The following DAB2IP variants were observed in gnomAD, a reference collection of about 807,000 sequenced individuals.
The protein encoded by DAB2IP is disabled homolog 2-interacting protein.
A neutral mutation model predicts 107.2 loss-of-function variants in DAB2IP; 28 were observed. That is an observed-to-expected ratio of 0.26 (90% CI 0.19 to 0.36). The LOEUF is 0.36. DAB2IP is among the 10% of genes least tolerant of loss of function. The probability of loss-of-function intolerance (pLI) is 1.00; values close to 1 mark genes in which losing one functional copy is unlikely to be tolerated. For missense variants in DAB2IP, 1,400 were observed against 1,644.7 expected (o/e 0.85, Z 2.57); for synonymous variants, 755 against 706.4 (o/e 1.07, Z -1.09).
At chr9:121,632,231 A>T (rs939842286) in intron 1 of DAB2IP, among the ~76,000 whole-genome samples, 1 of 152,224 alleles carries the variant, frequency 6.6e-6, no homozygotes, top group African/African-American at 2.4e-5. Flanking sequence ...CGGTGATAGC[A>T]GCACCTGTCT....
In DAB2IP at chr9:121,760,618, G is replaced by A. The variant is rs952194906; in HGVS notation, c.1170+179G>A. On this transcript the variant is annotated intron_variant, in intron 6 of 15. Transcript: ENST00000408936. This position sits in a 1 kb window ranked among gnomAD's most constrained non-coding sequence, Gnocchi z 5.9. Reference sequence around the variant, plus strand: ...GCTGGGGGTTTTGTACTCCTGCTCTGTGGCTGGAGCTGATCACTGAGGCCT... The same window carrying A: ...GCTGGGGGTTTTGTACTCCTGCTCTATGGCTGGAGCTGATCACTGAGGCCT... 6.6e-6 allele frequency among the ~76,000 whole-genome samples: 1 copy of A among 152,178 alleles called. No homozygotes were observed. Among genetic ancestry groups the A allele is most frequent in the African/African-American group, 2.4e-5 (1 of 41,444 alleles).
chr9:121,760,055 C>T lies in DAB2IP; in HGVS notation c.786C>T (p.Phe262=). The T allele has an allele frequency of 1.2e-6, 2 of 1,614,056 alleles. No individual in the cohort carries two copies. The highest frequency in any genetic ancestry group is 1.7e-6 in the Non-Finnish European group (2 of 1,180,042). Residue 262 remains phenylalanine, a synonymous_variant, in exon 6 of 16, where the codon TTC becomes TTT. Transcript: ENST00000408936. The surrounding 1 kb of genome is among the most constrained non-coding windows in gnomAD (Gnocchi z 5.9). ...TTTTCTGGGGCGAGCACTTCGAGTT[C>T]CACAACTTGCCGCCTCTGCGCACGG...
chr9:121,598,842 C>G (rs894035713), intron 1 of DAB2IP, among the ~76,000 whole-genome samples: 1 of 152,270 alleles, frequency 6.6e-6, no homozygotes, highest in African/African-American at 2.4e-5. Flanking sequence ...AAAGCGTTCG[C>G]CCCGCTCTGG....
At chr9:121,783,523 T>C in exon 16 of DAB2IP, 6 of 1,614,160 alleles carry the variant, frequency 3.7e-6, no homozygotes, top group Non-Finnish European at 5.1e-6. Context: ...TGTGATTTTT[T>C]TTCCTTTCAC....
chr9:121,642,035 CTT>C lies in DAB2IP; in HGVS notation c.41-36641_41-36640del, dbSNP rs1564128928. ...TCTCTCTCTCTCTCTCTCTCTCTTT[CTT>C]TCTTTCTTTCTTTCTTTCTTTCTTT... On this transcript the variant is annotated intron_variant, in intron 1 of 16. Coordinates refer to the DAB2IP transcript ENST00000259371. Among the ~76,000 whole-genome samples the C allele has an allele frequency of 8.4e-4, 32 of 38,038 alleles. 1 individual carries two copies. Among genetic ancestry groups the C allele is most frequent in the South Asian group, 1.5e-3 (1 of 650 alleles). 25.0% of individuals were successfully genotyped at this position (38,038 alleles called of 152,430 possible).
chr9:121,603,195 T>C lies in DAB2IP; in HGVS notation c.40+35967T>C, dbSNP rs1830749537. On this transcript the variant is annotated intron_variant, in intron 1 of 16. Transcript: ENST00000259371. ...TTCTGTTGTGCGTCTATCTATGTTTTCAATCTCCATCCCTTCCCTTGGAAG... is the reference window on the plus strand; with the variant it reads ...TTCTGTTGTGCGTCTATCTATGTTTCCAATCTCCATCCCTTCCCTTGGAAG... 2.6e-5 allele frequency among the ~76,000 whole-genome samples: 4 copies of C among 152,330 alleles called. No homozygotes were observed. The South Asian group carries it at 8.3e-4, about 32-fold the overall frequency.
intron 1 of DAB2IP, among the ~76,000 whole-genome samples, chr9:121,630,623 T>A (rs1014976463): frequency 2.6e-5 from 4 of 151,666 alleles, no homozygotes; most frequent in Admixed American, 6.6e-5. Context: ...TTATATATAT[T>A]TTTGAATGGA....
chr9:121,667,480 C>T (rs201468680), intron 1 of DAB2IP, among the ~76,000 whole-genome samples: 244 of 152,190 alleles, frequency 1.6e-3, no homozygotes, highest in African/African-American at 5.7e-3. Flanking sequence ...CTCTGATCCA[C>T]TTTTTCTTTC....
chr9:121,728,307 C>A (rs940496395), intron 3 of DAB2IP, among the ~76,000 whole-genome samples: 2 of 152,160 alleles, frequency 1.3e-5, no homozygotes, highest in Non-Finnish European at 2.9e-5. Context: ...TTTGGAGTAA[C>A]ACCCTGTGGG....
rs1015096189 is a variant in DAB2IP, at chr9:121,760,890, G to A, written c.1170+451G>A. Among the ~76,000 whole-genome samples, 3 of 152,176 alleles carry A rather than the reference G, an allele frequency of 2.0e-5. No homozygotes were observed. Among genetic ancestry groups the A allele is most frequent in the African/African-American group, 7.2e-5 (3 of 41,438 alleles). On this transcript the variant is annotated intron_variant, in intron 6 of 15. Coordinates refer to ENST00000408936, the Ensembl canonical transcript of DAB2IP. This position sits in a 1 kb window ranked among gnomAD's most constrained non-coding sequence, Gnocchi z 5.9. ...GATGCACAGATGAGCCTCCCTCACA[G>A]CTCTACCTCACCCCACACTCTCACC...
Position 121,699,555 on chromosome 9 carries a change from C to A in DAB2IP, c.362+97C>A. On this transcript the variant is annotated intron_variant, in intron 3 of 15. Coordinates refer to ENST00000408936, the Ensembl canonical transcript of DAB2IP. The surrounding 1 kb of genome is among the most constrained non-coding windows in gnomAD (Gnocchi z 6.2). ...AGCGCGAGCCCGGCCCGGGGCGAGC[C>A]ACACGGCGGTGGGGGGACCCCACGC... 1 of 1,091,186 alleles carries A rather than the reference C, an allele frequency of 9.2e-7. No homozygotes were observed. The highest frequency in any genetic ancestry group is 1.1e-6 in the Non-Finnish European group (1 of 885,656). The allele number at this position is 1,091,186 out of a possible 1,614,324, so 67.6% of individuals were successfully genotyped here.
intron 2 of DAB2IP, among the ~76,000 whole-genome samples, chr9:121,689,929 G>T (rs1468520693): frequency 6.6e-6 from 1 of 152,252 alleles, no homozygotes; most frequent in East Asian, 1.9e-4. Flanking sequence ...TTACATGAGA[G>T]CTTTAGCTCT....
At chr9:121,630,483 C>CCACT (rs1831834451) in intron 1 of DAB2IP, among the ~76,000 whole-genome samples, 1 of 151,082 alleles carries the variant, frequency 6.6e-6, no homozygotes, top group Non-Finnish European at 1.5e-5. Flanking sequence ...CAAGACTGTG[C>CCACT]CACTGCACTC....
chr9:121,586,916 A>G (rs1014147166), intron 1 of DAB2IP, among the ~76,000 whole-genome samples: 8 of 152,316 alleles, frequency 5.3e-5, no homozygotes, highest in African/African-American at 9.6e-5. Context: ...AATTCCAAGA[A>G]GCAAGTTAAA....
chr9:121,592,871 A>C (rs1442846558), intron 1 of DAB2IP, among the ~76,000 whole-genome samples: 1 of 152,192 alleles, frequency 6.6e-6, no homozygotes, highest in Non-Finnish European at 1.5e-5. Flanking sequence ...CCTGGGCTAC[A>C]TGTGAGAACA....
At chr9:121,623,159 A>T (rs1436928736) in intron 1 of DAB2IP, among the ~76,000 whole-genome samples, 1 of 152,162 alleles carries the variant, frequency 6.6e-6, no homozygotes, top group African/African-American at 2.4e-5. Flanking sequence ...GGTCAGCCCC[A>T]GATTGCCAAG....
At chr9:121,578,268 C>T (rs993395704) in intron 1 of DAB2IP, among the ~76,000 whole-genome samples, 1 of 152,026 alleles carries the variant, frequency 6.6e-6, no homozygotes, top group Non-Finnish European at 1.5e-5. Flanking sequence ...CTATCTCTCT[C>T]AGTCCTTCTG....
chr9:121,701,068 C>G lies in DAB2IP; in HGVS notation c.362+1610C>G, dbSNP rs1471990933. On this transcript the variant is annotated intron_variant, in intron 3 of 15. Coordinates refer to ENST00000408936, the Ensembl canonical transcript of DAB2IP. The surrounding 1 kb of genome is among the most constrained non-coding windows in gnomAD (Gnocchi z 4.7). ...AGGAACATGCCCTTCTCCGCGCTTT[C>G]CTTGGCGGGGGTCAGGACCCTCTGC... Among the ~76,000 whole-genome samples the G allele has an allele frequency of 1.3e-5, 2 of 152,258 alleles. No individual in the cohort carries two copies. The highest frequency in any genetic ancestry group is 2.9e-5 in the Non-Finnish European group (2 of 68,048).
exon 12 of DAB2IP, chr9:121,773,171 G>C: frequency 6.2e-7 from 1 of 1,600,788 alleles, no homozygotes; most frequent in African/African-American, 1.3e-5. Flanking sequence ...CCGCGGAGGA[G>C]CTGGCTCGGC....
Sources: allele counts gnomAD v4.1 joint callset (sites outside exome capture counted in the v4.1 genomes callset), GRCh38; gene constraint gnomAD v4.1.1; non-coding constraint Gnocchi (gnomAD v3.1); transcripts MANE v1.5; gene names NCBI Gene and HGNC (gene_info 2026-07-23, HGNC 2026-07-21).